The following NUDT5 variants were observed in gnomAD, a reference collection of about 807,000 sequenced individuals.
NUDT5 encodes ADP-sugar pyrophosphatase.
Under a neutral mutation model 34.1 loss-of-function variants are expected in NUDT5, and 21 were observed. The observed-to-expected ratio is 0.62, with a 90% CI of 0.44 to 0.89. NUDT5 has a LOEUF of 0.89. NUDT5 is among the 40% of genes least tolerant of loss of function. The pLI, the probability that NUDT5 is intolerant of heterozygous loss-of-function variation, is 0.00. For synonymous variants in NUDT5, 85 were observed against 97.6 expected (o/e 0.87, Z 0.76); for missense variants, 249 against 274.8 (o/e 0.91, Z 0.66).
intron 1 of NUDT5, among the ~76,000 whole-genome samples, chr10:12,189,938 G>A (rs1438334875): frequency 6.6e-6 from 1 of 150,776 alleles, no homozygotes; most frequent in Non-Finnish European, 1.5e-5. Context: ...TTGTCGCCCA[G>A]GCTGGAGTGC....
chr10:12,178,579 G>A (rs918745912), intron 4 of NUDT5, among the ~76,000 whole-genome samples: 47 of 152,048 alleles, frequency 3.1e-4, no homozygotes, highest in Non-Finnish European at 8.8e-5. Context: ...ACTTCCCCTC[G>A]ACCAGAGTGA....
chr10:12,168,907 C>T lies in NUDT5; in HGVS notation c.551-1096G>A, dbSNP rs1306762095. Among the ~76,000 whole-genome samples the T allele has an allele frequency of 2.0e-5, 3 of 152,082 alleles. No homozygotes were observed. The highest frequency in any genetic ancestry group is 7.2e-5 in the African/African-American group (3 of 41,402). On this transcript the variant is annotated intron_variant, in intron 9 of 9. Coordinates refer to ENST00000491614, the MANE Select transcript of NUDT5 (RefSeq NM_014142.4). This position sits in a 1 kb window ranked among gnomAD's most constrained non-coding sequence, Gnocchi z 4.8. ...CCTCCTGAGTAGCTGGGACTACCGGCATGTACCACCATGCCTGGCTAATTT... is the reference window on the plus strand; with the variant it reads ...CCTCCTGAGTAGCTGGGACTACCGGTATGTACCACCATGCCTGGCTAATTT...
chr10:12,170,806 C>A lies in NUDT5; in HGVS notation c.497-36G>T, dbSNP rs777029071. 9 of 1,613,416 alleles carry A rather than the reference C, an allele frequency of 5.6e-6. 1 individual carries two copies. The South Asian group carries it at 8.8e-5, about 16-fold the overall frequency. ...AAAGTGCAAGTGAAAACAAAGCTAACGTCAAGAGCCTACCAAAACAACCCA... is the reference window on the plus strand; with the variant it reads ...AAAGTGCAAGTGAAAACAAAGCTAAAGTCAAGAGCCTACCAAAACAACCCA... On this transcript the variant is annotated intron_variant, in intron 8 of 9. Coordinates refer to ENST00000491614, the MANE Select transcript of NUDT5 (RefSeq NM_014142.4). This position sits in a 1 kb window ranked among gnomAD's most constrained non-coding sequence, Gnocchi z 4.9.
intron 1 of NUDT5, among the ~76,000 whole-genome samples, chr10:12,195,058 G>A (rs1255423263): frequency 6.6e-6 from 1 of 152,204 alleles, no homozygotes; most frequent in African/African-American, 2.4e-5. Flanking sequence ...TACTCGAGAA[G>A]CTAAGGCAGG....
chr10:12,170,308 T>C lies in NUDT5; in HGVS notation c.550+409A>G. Reference sequence around the variant, plus strand: ...GTATTTGTTGAAGGAGCATCATCAATTTCTCCTTGAACATACAGCCTCCAC... The same window carrying C: ...GTATTTGTTGAAGGAGCATCATCAACTTCTCCTTGAACATACAGCCTCCAC... On this transcript the variant is annotated intron_variant, in intron 9 of 9. Transcript: ENST00000491614. This position sits in a 1 kb window ranked among gnomAD's most constrained non-coding sequence, Gnocchi z 4.9. The C allele has an allele frequency of 9.6e-7, 1 of 1,039,016 alleles. No homozygotes were observed. The highest frequency in any genetic ancestry group is 1.5e-6 in the Non-Finnish European group (1 of 687,374). 64.4% of individuals were successfully genotyped at this position (1,039,016 alleles called of 1,614,324 possible). A position where few individuals can be genotyped will look rare whatever the true frequency, so the allele number is the denominator to read the frequency against.
intron 1 of NUDT5, among the ~76,000 whole-genome samples, chr10:12,189,459 C>T (rs993503141): frequency 1.6e-4 from 24 of 152,114 alleles, no homozygotes; most frequent in African/African-American, 5.6e-4. Flanking sequence ...GAAACAGTAT[C>T]GTGCAGCAAT....
At position 12,171,305 on chromosome 10, in the gene NUDT5, A is replaced by G. The variant is rs1030161586; in HGVS notation, c.488-397T>C. 6.6e-6 allele frequency among the ~76,000 whole-genome samples: 1 copy of G among 152,190 alleles called. No individual in the cohort carries two copies. Among genetic ancestry groups the G allele is most frequent in the African/African-American group, 2.4e-5 (1 of 41,454 alleles). ...GACACCCAACAGAAACTCGGGATCC[A>G]CTCAACACTAATTCCCCATCCCTAG... On this transcript the variant is annotated intron_variant, in intron 7 of 9. Coordinates refer to ENST00000491614, the MANE Select transcript of NUDT5 (RefSeq NM_014142.4). The surrounding 1 kb of genome is among the most constrained non-coding windows in gnomAD (Gnocchi z 4.2).
intron 1 of NUDT5, among the ~76,000 whole-genome samples, chr10:12,194,265 T>C (rs1835290615): frequency 6.6e-6 from 1 of 152,264 alleles, no homozygotes; most frequent in South Asian, 2.1e-4. Flanking sequence ...CATTCATTCC[T>C]ATCTTCATTA....
intron 1 of NUDT5, among the ~76,000 whole-genome samples, chr10:12,190,417 AGC>A (rs1835203940): frequency 6.6e-6 from 1 of 152,026 alleles, no homozygotes; most frequent in Non-Finnish European, 1.5e-5. Context: ...TAGCTTCGAG[AGC>A]ACCAGCAGTG....
chr10:12,191,613 G>A (rs937880072), intron 1 of NUDT5, among the ~76,000 whole-genome samples: 2 of 152,202 alleles, frequency 1.3e-5, no homozygotes, highest in African/African-American at 4.8e-5. Context: ...CCAGTGCCAT[G>A]CACTGCATGT....
Position 12,172,774 on chromosome 10 carries a change from G to A in NUDT5, c.478C>T (p.Pro160Ser), listed in dbSNP as rs373451059. 4 of 1,613,344 alleles carry A rather than the reference G, an allele frequency of 2.5e-6. No homozygotes were observed. Among genetic ancestry groups the A allele is most frequent in the Non-Finnish European group, 3.4e-6 (4 of 1,179,420 alleles). The change falls in exon 7 of 10, where the codon CCA becomes TCA. Residue 160 changes from proline (P) to serine (S), a missense_variant. Coordinates refer to ENST00000491614, the MANE Select transcript of NUDT5 (RefSeq NM_014142.4). ...GCCGACACACACATACCTGGCTTTG[G>A]CTTCGGCCTTGCGTTTTCGGCATCA... is the stretch of plus-strand genomic sequence containing the variant. The part of the protein sequence containing the change: ...GDDAENARPK[P>S]KPGDGEFVEV...
Position 12,182,916 on chromosome 10 carries a change from T to C in NUDT5, c.131+1973A>G, listed in dbSNP as rs1191881239. Among the ~76,000 whole-genome samples, 1 of 152,152 alleles carries C rather than the reference T, an allele frequency of 6.6e-6. No homozygotes were observed. Among genetic ancestry groups the C allele is most frequent in the Non-Finnish European group, 1.5e-5 (1 of 68,024 alleles). ...CACGCTGGGCTAATTTTTGTATTTT[T>C]AGTAGAGACGGGGTTTCACAATGTT... On this transcript the variant is annotated intron_variant, in intron 3 of 9. Coordinates refer to ENST00000491614, the MANE Select transcript of NUDT5 (RefSeq NM_014142.4). This position sits in a 1 kb window ranked among gnomAD's most constrained non-coding sequence, Gnocchi z 4.3.
intron 7 of NUDT5, 147 bp downstream of exon 7, chr10:12,172,618 A>T: frequency 3.2e-6 from 2 of 619,302 alleles, no homozygotes; most frequent in Non-Finnish European, 5.9e-6. Flanking sequence ...CATGATTAGG[A>T]AGAGAGACAA....
chr10:12,195,885 G>C lies in NUDT5; in HGVS notation c.-157C>G. The C allele has an allele frequency of 3.5e-6, 1 of 287,422 alleles. No individual in the cohort carries two copies. Among genetic ancestry groups the C allele is most frequent in the Non-Finnish European group, 6.8e-6 (1 of 147,870 alleles). The allele number at this position is 287,422 out of a possible 1,614,324, so 17.8% of individuals were successfully genotyped here. On this transcript the variant is annotated 5_prime_UTR_variant, in exon 1 of 10. It adds an upstream start codon to the 5' untranslated region. Transcript: ENST00000491614. The stretch of plus-strand genomic sequence containing the variant: ...CCGGCGCCTCTCGCGGTGCTAAAAG[G>C]ATGGGCGCGCACCCTCCTTCCGGCA...
At position 12,191,823 on chromosome 10, in the gene NUDT5, A is replaced by G. The variant is rs41473652; in HGVS notation, c.-42+3947T>C. The stretch of plus-strand genomic sequence containing the variant: ...AAGTGATTAATTTTTCACCAACTTC[A>G]GTATGCCAGTATTAGTAACAACAGC... On this transcript the variant is annotated intron_variant, in intron 1 of 9. Coordinates refer to ENST00000491614, the MANE Select transcript of NUDT5 (RefSeq NM_014142.4). Among the ~76,000 whole-genome samples the G allele has an allele frequency of 7.7e-3, 1,176 of 152,336 alleles. 14 individuals carry two copies. Among genetic ancestry groups the G allele is most frequent in the African/African-American group, 0.027 (1,112 of 41,576 alleles).
chr10:12,172,654 G>T (rs938739215), intron 7 of NUDT5, 111 bp downstream of exon 7: 10 of 711,788 alleles, frequency 1.4e-5, no homozygotes, highest in Middle Eastern at 2.4e-4. Flanking sequence ...CTATTTGAAA[G>T]ACCGATTCTT....
intron 5 of NUDT5, among the ~76,000 whole-genome samples, chr10:12,176,624 A>C (rs928936285): frequency 1.3e-5 from 2 of 152,164 alleles, no homozygotes; most frequent in Non-Finnish European, 2.9e-5. Context: ...AATAAAACGT[A>C]TACCACTAAT....
At chr10:12,167,933 T>TAA in intron 9 of NUDT5, 122 bp from the exon 10 acceptor site, 2 of 1,445,096 alleles carry the variant, frequency 1.4e-6, no homozygotes, top group Non-Finnish European at 1.8e-6. Flanking sequence ...ATGCTGGTGA[T>TAA]AACGTTTTTT....
chr10:12,188,546 C>G (rs1835165266), intron 1 of NUDT5, among the ~76,000 whole-genome samples: 2 of 151,774 alleles, frequency 1.3e-5, no homozygotes, highest in Admixed American at 1.3e-4. Flanking sequence ...TCCTGGCCAA[C>G]ATGGTGAAAC....
Sources: gnomAD v4.1 joint callset for allele counts (sites outside exome capture counted in the v4.1 genomes callset) on GRCh38, gnomAD v4.1.1 for gene constraint, Gnocchi (gnomAD v3.1) non-coding constraint, MANE v1.5 for transcripts, NCBI Gene and HGNC (gene_info 2026-07-23, HGNC 2026-07-21) for gene names.